Variants in SPDYE4 observed in about 807,000 individuals in gnomAD.
The protein encoded by SPDYE4 is speedy protein E4.
In SPDYE4, 30 loss-of-function variants were observed where a neutral mutation model predicts 37.5. The ratio of observed to expected loss-of-function variants is 0.80; its 90% CI spans 0.60 to 1.09. The LOEUF is 1.09. Ranked by LOEUF, SPDYE4 falls within the 50% of genes least tolerant of loss-of-function variation. The pLI is 0.00. For missense variants in SPDYE4, 300 were observed against 307.9 expected (o/e 0.97, Z 0.19); for synonymous variants, 131 against 120.3 (o/e 1.09, Z -0.58).
At chr17:8,757,802 G>A (rs1327499979) in intron 1 of SPDYE4, among the ~76,000 whole-genome samples, 2 of 142,802 alleles carry the variant, frequency 1.4e-5, no homozygotes, top group African/African-American at 5.3e-5. Flanking sequence ...TTTTTTTTGA[G>A]ATGGAGTCTC....
chr17:8,757,228 A>T (rs761525830), intron 2 of SPDYE4, 34 bp downstream of exon 2: 2 of 1,560,896 alleles, frequency 1.3e-6, no homozygotes, highest in Admixed American at 3.8e-5. Context: ...TTAAAAGAAC[A>T]GGGTTGGAGG....
intron 5 of SPDYE4, 23 bp downstream of exon 5, chr17:8,753,298 C>T (rs1389835961): frequency 6.4e-7 from 1 of 1,568,362 alleles, no homozygotes. Flanking sequence ...CCCACCCCCA[C>T]CTCCTCATAT....
chr17:8,749,487 C>T (rs576647810), downstream of SPDYE4, among the ~76,000 whole-genome samples: 15 of 152,134 alleles, frequency 9.9e-5, no homozygotes, highest in Admixed American at 2.0e-4. Context: ...AGGATGGTTT[C>T]GATCTCCTGA....
At chr17:8,755,672 G>A in intron 3 of SPDYE4, 67 bp from the exon 4 acceptor site, 1 of 1,563,954 alleles carries the variant, frequency 6.4e-7, no homozygotes, top group East Asian at 2.2e-5. Flanking sequence ...AGATGGTGGA[G>A]AGAAGGGAAC....
chr17:8,758,473 G>T lies in SPDYE4; in HGVS notation c.-91C>A. Reference sequence around the variant, plus strand: ...CCAGACTCCGTTAGGACCCAGAAGAGTGCGTTTCTCTTCTAGAGGCTCGGG... The same window carrying T: ...CCAGACTCCGTTAGGACCCAGAAGATTGCGTTTCTCTTCTAGAGGCTCGGG... On this transcript the variant is annotated 5_prime_UTR_variant, in exon 1 of 7. Coordinates refer to ENST00000689094, the MANE Select transcript of SPDYE4 (RefSeq NM_001394956.1). 1 of 1,234,228 alleles carries T rather than the reference G, an allele frequency of 8.1e-7. No homozygotes were observed. The allele number at this position is 1,234,228 out of a possible 1,614,324, so 76.5% of individuals were successfully genotyped here.
chr17:8,757,541 C>A, intron 1 of SPDYE4, 49 bp from the exon 2 acceptor site: 1 of 1,570,640 alleles, frequency 6.4e-7, no homozygotes, highest in Non-Finnish European at 8.7e-7. Flanking sequence ...CATTGATCAC[C>A]TTAGACGCCC....
Position 8,755,531 on chromosome 17 carries a change from G to T in SPDYE4, c.474C>A (p.Phe158Leu). ...LFSWQYQRIH[F>L]FLALYLASDM... ...AGCAAACTACTCACAGAGCCAGGAA[G>T]AAATGAATGCGTTGGTATTGCCACG... Residue 158 changes from phenylalanine (F) to leucine (L), a missense_variant, in exon 4 of 7, where the codon TTC (phenylalanine) becomes TTA (leucine). By Grantham distance (22) the Phe-to-Leu change is conservative. Coordinates refer to ENST00000689094, the MANE Select transcript of SPDYE4 (RefSeq NM_001394956.1). 6.2e-7 allele frequency: 1 copy of T among 1,611,698 alleles called. No individual in the cohort carries two copies. Among genetic ancestry groups the T allele is most frequent in the Non-Finnish European group, 8.5e-7 (1 of 1,179,522 alleles).
In SPDYE4 at chr17:8,757,827, G is replaced by A. The variant is rs1228703104; in HGVS notation, c.110-335C>T. Among the ~76,000 whole-genome samples the A allele has an allele frequency of 2.0e-5, 3 of 146,764 alleles. No individual in the cohort carries two copies. In the Admixed American group the frequency reaches 2.1e-4, roughly 10 times the overall value. On this transcript the variant is annotated intron_variant, in intron 1 of 6. Coordinates refer to ENST00000689094, the MANE Select transcript of SPDYE4 (RefSeq NM_001394956.1). ...GATGGAGTCTCCCTCTTGTTGCCCA[G>A]ACCGGAGTGCAGTGGCACAATCTTG...
downstream of SPDYE4, among the ~76,000 whole-genome samples, chr17:8,748,016 G>C (rs560877511): frequency 1.4e-4 from 21 of 152,328 alleles, no homozygotes; most frequent in South Asian, 3.7e-3. Context: ...AAACCCATCA[G>C]ATCTGCTGAG....
At chr17:8,749,771 G>C (rs1171974696), downstream of SPDYE4, among the ~76,000 whole-genome samples, 1 of 142,082 alleles carries the variant, frequency 7.0e-6, no homozygotes, top group Non-Finnish European at 1.6e-5. Context: ...CCCATTATAA[G>C]TTCACCCCTG....
At position 8,751,370 on chromosome 17, in the gene SPDYE4, CAAAT is replaced by C. The variant is rs1352122567; in HGVS notation, c.*908_*911del. ...CCATGCCCATCATTTTCAAAATAAA[CAAAT>C]AAAATGTATAGTATATATTGGACAT... On this transcript the variant is annotated 3_prime_UTR_variant, in exon 7 of 7. Coordinates refer to ENST00000689094, the MANE Select transcript of SPDYE4 (RefSeq NM_001394956.1). 1.3e-5 allele frequency among the ~76,000 whole-genome samples: 2 copies of C among 152,004 alleles called. No homozygotes were observed. Among genetic ancestry groups the C allele is most frequent in the Non-Finnish European group, 2.9e-5 (2 of 67,998 alleles).
chr17:8,753,403 C>G lies in SPDYE4; in HGVS notation c.572G>C (p.Arg191Pro). The G allele has an allele frequency of 1.2e-6, 2 of 1,600,170 alleles. No homozygotes were observed. Among genetic ancestry groups the G allele is most frequent in the Non-Finnish European group, 1.7e-6 (2 of 1,173,212 alleles). ...GTATCGAAGCTTATGGAACAAGGGT[C>G]GCTGGGAGTAGTTCTTCCCGTAGAG... ...SFLYGKNYSQ[R>P]PLFHKLRYQL... Residue 191 changes from arginine to proline, a missense_variant, in exon 5 of 7, where the codon CGA becomes CCA. By Grantham distance (103) the Arg-to-Pro change is moderately radical. Coordinates refer to ENST00000689094, the MANE Select transcript of SPDYE4 (RefSeq NM_001394956.1).
At chr17:8,757,788 T>C (rs887339541) in intron 1 of SPDYE4, among the ~76,000 whole-genome samples, 1 of 149,836 alleles carries the variant, frequency 6.7e-6, no homozygotes, top group African/African-American at 2.4e-5. Context: ...TCTCTCTCTT[T>C]TTTTTTTTTT....
At chr17:8,755,748 G>T (rs2086766870) in intron 3 of SPDYE4, 143 bp from the exon 4 acceptor site, 2 of 1,113,850 alleles carry the variant, frequency 1.8e-6, no homozygotes. Context: ...GCTCATTGGG[G>T]GCTTGCGGGT....
At chr17:8,748,711 G>A (rs1238723562), downstream of SPDYE4, among the ~76,000 whole-genome samples, 2 of 152,130 alleles carry the variant, frequency 1.3e-5, no homozygotes, top group East Asian at 3.9e-4. Flanking sequence ...CATGTTTCAT[G>A]CGCATTTTAA....
At chr17:8,750,083 T>A (rs151064341), downstream of SPDYE4, among the ~76,000 whole-genome samples, 1 of 152,156 alleles carries the variant, frequency 6.6e-6, no homozygotes, top group African/African-American at 2.4e-5. Context: ...CCTCCTGTCA[T>A]AAATAGTTTT....
chr17:8,751,957 G>A lies in SPDYE4; in HGVS notation c.*325C>T, dbSNP rs752495482. Among the ~76,000 whole-genome samples the A allele has an allele frequency of 6.6e-6, 1 of 152,190 alleles. No individual in the cohort carries two copies. The highest frequency in any genetic ancestry group is 1.5e-5 in the Non-Finnish European group (1 of 68,044). ...AACAGGAACTCCAGCTTCCAGCCCA[G>A]GGGAGGCTGGGATTCAGCAACGTGA... On this transcript the variant is annotated 3_prime_UTR_variant, in exon 7 of 7. Coordinates refer to ENST00000689094, the MANE Select transcript of SPDYE4 (RefSeq NM_001394956.1).
chr17:8,758,375 C>T lies in SPDYE4; in HGVS notation c.8G>A (p.Ser3Asn). 6.4e-7 allele frequency: 1 copy of T among 1,551,552 alleles called. No individual in the cohort carries two copies. Among genetic ancestry groups the T allele is most frequent in the Non-Finnish European group, 8.7e-7 (1 of 1,146,784 alleles). The change falls in exon 1 of 7, where the codon AGT becomes AAT. Residue 3 changes from serine (S) to asparagine (N), a missense_variant. Ser to Asn is a conservative substitution (Grantham distance 46). Coordinates refer to ENST00000689094, the MANE Select transcript of SPDYE4 (RefSeq NM_001394956.1). The stretch of plus-strand genomic sequence containing the variant: ...CTCAAACGGGGGGCGCGCTTGACCA[C>T]TGGCCATAATCTCTCCCAAACACTT... Reference protein sequence around the residue: MASGQARPPFEEE... With the variant: MANGQARPPFEEE...
downstream of SPDYE4, among the ~76,000 whole-genome samples, chr17:8,748,178 C>T (rs1004968830): frequency 2.0e-5 from 3 of 152,238 alleles, no homozygotes; most frequent in African/African-American, 7.2e-5. Flanking sequence ...ATATCAAACC[C>T]TAATCTCCAA....
Sources: allele counts gnomAD v4.1 joint callset (sites outside exome capture counted in the v4.1 genomes callset), GRCh38; gene constraint gnomAD v4.1.1; transcripts MANE v1.5; gene names NCBI Gene and HGNC (gene_info 2026-07-23, HGNC 2026-07-21).